Variants in PTBP2 observed in about 807,000 individuals in gnomAD.
PTBP2 encodes the protein polypyrimidine tract-binding protein 2.
PTBP2 carries 13 observed loss-of-function variants against 61.4 expected under a neutral mutation model. That is an observed-to-expected ratio of 0.21 (90% CI 0.14 to 0.34). The LOEUF (loss-of-function observed/expected upper bound fraction) is 0.34, where lower values mean the gene tolerates loss of function less well. PTBP2 is among the 10% of genes least tolerant of loss of function. PTBP2 has a pLI of 1.00. For missense variants in PTBP2, 405 were observed against 642.6 expected, an observed-to-expected ratio of 0.63 and a Z score of 4.00; for synonymous variants, 215 against 218.5, an observed-to-expected ratio of 0.98 and a Z score of 0.14.
At chr1:96,751,707 T>C (rs1465903931) in intron 3 of PTBP2, among the ~76,000 whole-genome samples, 1 of 151,920 alleles carries the variant, frequency 6.6e-6, no homozygotes. Flanking sequence ...CAAGTTACTC[T>C]TAAATTTGAT....
intron 2 of PTBP2, among the ~76,000 whole-genome samples, chr1:96,744,363 C>T (rs368402523): frequency 2.4e-4 from 36 of 151,932 alleles, no homozygotes; most frequent in African/African-American, 8.0e-4. Context: ...ATTTTTTTAA[C>T]GTAGAAAATG....
At chr1:96,776,627 G>A (rs554099618) in intron 5 of PTBP2, among the ~76,000 whole-genome samples, 2 of 151,720 alleles carry the variant, frequency 1.3e-5, no homozygotes, top group South Asian at 4.2e-4. Flanking sequence ...AGGTATTTGT[G>A]GTATTTGTCA....
intron 7 of PTBP2, among the ~76,000 whole-genome samples, chr1:96,783,303 T>G (rs951235892): frequency 6.6e-6 from 1 of 152,028 alleles, no homozygotes; most frequent in Non-Finnish European, 1.5e-5. Flanking sequence ...TTACATCTTG[T>G]TTGCTTATTT....
chr1:96,772,694 T>C (rs560914367), intron 5 of PTBP2, among the ~76,000 whole-genome samples: 15 of 152,336 alleles, frequency 9.8e-5, no homozygotes, highest in South Asian at 2.1e-4. Context: ...GTTTGACTTA[T>C]TCACTTAGCA....
chr1:96,789,871 C>T (rs138233830), intron 8 of PTBP2, among the ~76,000 whole-genome samples: 104 of 152,230 alleles, frequency 6.8e-4, no homozygotes, highest in Admixed American at 3.0e-3. Context: ...AAAATAATTA[C>T]ATTTTCTTAC....
rs377092184 is a variant in PTBP2 at position 96,792,126 on chromosome 1, C to T, written c.904+6872C>T. On this transcript the variant is annotated intron_variant, in intron 8 of 13. Coordinates refer to ENST00000674951, the MANE Select transcript of PTBP2 (RefSeq NM_021190.4). The stretch of plus-strand genomic sequence containing the variant: ...TGCTGGGATTACGGGCGTGAGCCAC[C>T]GCGCCTAGCCTGCTTAGAGTTTTTT... 5.3e-5 allele frequency among the ~76,000 whole-genome samples: 8 copies of T among 152,164 alleles called. No individual in the cohort carries two copies. In the East Asian group the frequency reaches 1.4e-3, roughly 26 times the overall value.
At chr1:96,778,340 A>G (rs1014100782) in intron 7 of PTBP2, among the ~76,000 whole-genome samples, 38 of 152,100 alleles carry the variant, frequency 2.5e-4, no homozygotes, top group African/African-American at 8.7e-4. Context: ...CTCAAATGCT[A>G]TGATAGGCTC....
At chr1:96,782,577 A>G (rs1360125248) in intron 7 of PTBP2, among the ~76,000 whole-genome samples, 2 of 151,982 alleles carry the variant, frequency 1.3e-5, no homozygotes, top group African/African-American at 4.8e-5. Context: ...GGGTGGGGTT[A>G]TTTGATATTG....
intron 2 of PTBP2, among the ~76,000 whole-genome samples, chr1:96,736,941 A>G (rs929854174): frequency 2.6e-5 from 4 of 151,810 alleles, no homozygotes; most frequent in Non-Finnish European, 4.4e-5. Context: ...TAGCCTTGCA[A>G]AGTGCTGGGA....
intron 7 of PTBP2, among the ~76,000 whole-genome samples, chr1:96,780,717 G>GTGA (rs1658559585): frequency 6.6e-6 from 1 of 151,692 alleles, no homozygotes; most frequent in African/African-American, 2.4e-5. Context: ...AACCTCTTAT[G>GTGA]ATTCAGACAG....
chr1:96,789,314 C>T (rs961103165), intron 8 of PTBP2, among the ~76,000 whole-genome samples: 1 of 152,020 alleles, frequency 6.6e-6, no homozygotes, highest in Non-Finnish European at 1.5e-5. Context: ...TGAACAGATA[C>T]AACATTTATT....
At chr1:96,746,913 C>CCCTCCCTCCCTTCCTT (rs1397374147) in intron 2 of PTBP2, among the ~76,000 whole-genome samples, 1 of 29,516 alleles carries the variant, frequency 3.4e-5, no homozygotes, top group African/African-American at 1.4e-4. Flanking sequence ...CTCCCTCCCT[C>CCCTCCCTCCCTTCCTT]CCTTCCTTCC....
chr1:96,740,664 T>A (rs750516085), intron 2 of PTBP2, among the ~76,000 whole-genome samples: 3 of 152,132 alleles, frequency 2.0e-5, no homozygotes, highest in Non-Finnish European at 4.4e-5. Flanking sequence ...TACTACATGT[T>A]TATGTATTTT....
chr1:96,804,057 A>T (rs927696806), intron 8 of PTBP2, among the ~76,000 whole-genome samples: 1 of 152,226 alleles, frequency 6.6e-6, no homozygotes, highest in African/African-American at 2.4e-5. Context: ...TAGGACAGCA[A>T]TAAGACTGGA....
chr1:96,753,714 A>C (rs911724377), intron 3 of PTBP2, among the ~76,000 whole-genome samples: 2 of 152,014 alleles, frequency 1.3e-5, no homozygotes, highest in Admixed American at 1.3e-4. Flanking sequence ...GTGATGGAGG[A>C]GTGTGTTGAA....
chr1:96,810,964 T>G (rs1416838527), intron 11 of PTBP2, among the ~76,000 whole-genome samples: 1 of 152,144 alleles, frequency 6.6e-6, no homozygotes, highest in East Asian at 1.9e-4. Context: ...GTGAGAAGAT[T>G]GTTTTGTTTT....
At position 96,743,639 on chromosome 1, in the gene PTBP2, G is replaced by C. The variant is rs75577591; in HGVS notation, c.40-7786G>C. On this transcript the variant is annotated intron_variant, in intron 2 of 13. Transcript: ENST00000674951. ...ACGTAAGTACCTTTTTATAAGAAAA[G>C]CAGGAGAGAATTTGACTTCTTAAGT... Among the ~76,000 whole-genome samples the C allele has an allele frequency of 5.7e-3, 863 of 152,220 alleles. 10 individuals are homozygous for C. The highest frequency in any genetic ancestry group is 0.038 in the South Asian group (185 of 4,818).
rs1466093003 is a variant in PTBP2, at chr1:96,777,584, G to T, written c.433-1G>T. 1 of 1,601,404 alleles carries T rather than the reference G, an allele frequency of 6.2e-7. No homozygotes were observed. Among genetic ancestry groups the T allele is most frequent in the Non-Finnish European group, 8.5e-7 (1 of 1,175,650 alleles). ...CTAAACTACATAATCTTAATTTCCA[G>T]CGTGCTCAGGCAGTTCTTCAAGCTG... is the stretch of plus-strand genomic sequence containing the variant. On this transcript the variant is annotated splice_acceptor_variant, in intron 5 of 13. Transcript: ENST00000674951. LOFTEE classifies it high-confidence loss of function.
At chr1:96,787,178 C>T (rs1281824581) in intron 8 of PTBP2, among the ~76,000 whole-genome samples, 1 of 151,878 alleles carries the variant, frequency 6.6e-6, no homozygotes, top group Non-Finnish European at 1.5e-5. Flanking sequence ...GTACCACCAC[C>T]CCTGGCTAAC....
Sources: allele counts gnomAD v4.1 joint callset (sites outside exome capture counted in the v4.1 genomes callset), GRCh38; gene constraint gnomAD v4.1.1; transcripts MANE v1.5; gene names NCBI Gene and HGNC (gene_info 2026-07-23, HGNC 2026-07-21).